STK33: variants seen among roughly 807,000 people sequenced by gnomAD.
The protein encoded by STK33 is serine/threonine kinase 33.
Under a neutral mutation model 58.0 loss-of-function variants are expected in STK33, and 52 were observed. That is an observed-to-expected ratio of 0.90 (90% CI 0.72 to 1.13). The LOEUF (loss-of-function observed/expected upper bound fraction) is 1.13, where lower values mean the gene tolerates loss of function less well. Ranked by LOEUF, STK33 falls within the 50% of genes most tolerant of loss-of-function variation. The pLI is 0.00. For synonymous variants in STK33, 215 were observed against 200.1 expected (o/e 1.07, Z -0.63); for missense variants, 630 against 604.2 (o/e 1.04, Z -0.45).
At chr11:8,424,869 T>C (rs1053421998) in intron 14 of STK33, among the ~76,000 whole-genome samples, 3 of 140,712 alleles carry the variant, frequency 2.1e-5, no homozygotes, top group Non-Finnish European at 3.0e-5. Context: ...GAGTTCATTA[T>C]AGATTCTGGA....
At chr11:8,416,504 T>C (rs557331136) in intron 14 of STK33, among the ~76,000 whole-genome samples, 1 of 152,276 alleles carries the variant, frequency 6.6e-6, no homozygotes, top group South Asian at 2.1e-4. Flanking sequence ...CATGAAACAA[T>C]CATAACTTTT....
intron 14 of STK33, among the ~76,000 whole-genome samples, chr11:8,415,268 C>T (rs1940951588): frequency 6.6e-6 from 1 of 152,118 alleles, no homozygotes; most frequent in African/African-American, 2.4e-5. Context: ...GACAAGCCCT[C>T]TCCAGGTTAA....
chr11:8,528,434 CT>C (rs1954239477), intron 1 of STK33, among the ~76,000 whole-genome samples: 1 of 152,188 alleles, frequency 6.6e-6, no homozygotes, highest in Non-Finnish European at 1.5e-5. Flanking sequence ...TCCCTAACTT[CT>C]TGTTTTCCCA....
chr11:8,392,660 A>G lies in STK33; in HGVS notation c.1395T>C (p.Asp465=), dbSNP rs2134874720. Residue 465 remains aspartate (D), a synonymous_variant, in exon 16 of 16, where the codon GAT becomes GAC. Coordinates refer to ENST00000687296, the MANE Select transcript of STK33 (RefSeq NM_001352389.2). ...TAGATGTGAAACTTGAACTGCACAT[A>G]TCAAAGTTGTCCTTACTGGTTGCAG... ...QFPATSKDNF[D]MCSSSFTSSK... is the part of the protein sequence containing the mutation. 3 of 1,614,254 alleles carry G rather than the reference A, an allele frequency of 1.9e-6. No individual in the cohort carries two copies. Among genetic ancestry groups the G allele is most frequent in the Non-Finnish European group, 2.5e-6 (3 of 1,180,054 alleles).
At chr11:8,358,603 G>A in the STK33 span, among the ~76,000 whole-genome samples, 5 of 152,134 alleles carry the variant, frequency 3.3e-5, no homozygotes, top group South Asian at 6.2e-4. Flanking sequence ...TCTTCCACCC[G>A]AGGAATGGCC....
At chr11:8,470,208 G>A (rs1317580943) in intron 6 of STK33, among the ~76,000 whole-genome samples, 1 of 152,228 alleles carries the variant, frequency 6.6e-6, no homozygotes, top group Non-Finnish European at 1.5e-5. Context: ...GTCTTAGGTA[G>A]ATCTTCTGGA....
chr11:8,339,938 C>A, the STK33 span, among the ~76,000 whole-genome samples: 1 of 152,256 alleles, frequency 6.6e-6, no homozygotes, highest in Non-Finnish European at 1.5e-5. Flanking sequence ...ACCCGCCTAC[C>A]TTCTCCCTGC....
intron 14 of STK33, among the ~76,000 whole-genome samples, chr11:8,419,859 A>AG (rs1941663142): frequency 6.6e-6 from 1 of 152,214 alleles, no homozygotes; most frequent in East Asian, 1.9e-4. Flanking sequence ...AGACTTAATG[A>AG]TGGTTATCTT....
At chr11:8,396,971 G>A (rs929836443) in intron 15 of STK33, among the ~76,000 whole-genome samples, 19 of 152,332 alleles carry the variant, frequency 1.2e-4, no homozygotes, top group African/African-American at 3.4e-4. Flanking sequence ...CAGGAAGCTC[G>A]AACTGGGTGG....
intron 1 of STK33, among the ~76,000 whole-genome samples, chr11:8,493,384 A>G (rs1950793061): frequency 6.6e-6 from 1 of 152,212 alleles, no homozygotes; most frequent in Admixed American, 6.5e-5. Flanking sequence ...ACACCCTCCC[A>G]AGACTAAACA....
intron 1 of STK33, among the ~76,000 whole-genome samples, chr11:8,546,415 C>G (rs1591727477): frequency 6.6e-6 from 1 of 152,170 alleles, no homozygotes; most frequent in South Asian, 2.1e-4. Flanking sequence ...TCCATTACCT[C>G]AAACATTTAT....
the STK33 span, among the ~76,000 whole-genome samples, chr11:8,343,595 C>T: frequency 6.6e-6 from 1 of 152,318 alleles, no homozygotes. Flanking sequence ...GCAAGGCACT[C>T]TCACCATGGC....
intron 1 of STK33, among the ~76,000 whole-genome samples, chr11:8,586,822 TAAAAAAA>T (rs56064924): frequency 1.3e-5 from 1 of 78,220 alleles, no homozygotes; most frequent in Non-Finnish European, 2.4e-5. Context: ...AGACTCTGTC[TAAAAAAA>T]AAAAAAAAAA....
the STK33 span, among the ~76,000 whole-genome samples, chr11:8,363,214 G>C: frequency 1.3e-5 from 2 of 152,150 alleles, no homozygotes; most frequent in Non-Finnish European, 2.9e-5. Flanking sequence ...GAGTGAAGAA[G>C]GGGAAAAAGG....
intron 1 of STK33, among the ~76,000 whole-genome samples, chr11:8,534,564 C>CTGTG (rs1308409632): frequency 2.2e-3 from 265 of 118,444 alleles, no homozygotes; most frequent in East Asian, 7.4e-3. Flanking sequence ...CTCTCTCTCT[C>CTGTG]TCTCTGTGTG....
Position 8,537,401 on chromosome 11 carries a change from T to A in STK33, c.-466+56682A>T, listed in dbSNP as rs188366394. On this transcript the variant is annotated intron_variant, in intron 1 of 15. Transcript: ENST00000687296. ...CACCATGCCTGGCCCCCGCCTTTTT[T>A]AAATTTTGTTTCAAGTGTGTTCATA... Among the ~76,000 whole-genome samples the A allele has an allele frequency of 2.0e-3, 304 of 152,244 alleles. 1 individual carries two copies. The highest frequency in any genetic ancestry group is 3.4e-3 in the Non-Finnish European group (230 of 68,000).
intron 14 of STK33, among the ~76,000 whole-genome samples, chr11:8,425,311 C>T (rs1327705857): frequency 6.6e-6 from 1 of 152,088 alleles, no homozygotes; most frequent in Non-Finnish European, 1.5e-5. Context: ...TGTGGCATTA[C>T]TTCTGAGGGC....
the STK33 span, among the ~76,000 whole-genome samples, chr11:8,377,807 T>G: frequency 6.6e-6 from 1 of 152,228 alleles, no homozygotes; most frequent in Admixed American, 6.5e-5. Context: ...GTAGCACTGC[T>G]TTATACCACC....
At chr11:8,479,169 C>T (rs982533736) in intron 2 of STK33, among the ~76,000 whole-genome samples, 8 of 152,270 alleles carry the variant, frequency 5.3e-5, no homozygotes, top group African/African-American at 1.7e-4. Flanking sequence ...AATCCCAGCA[C>T]TTTGGCAGGC....
Sources: allele counts gnomAD v4.1 joint callset (sites outside exome capture counted in the v4.1 genomes callset), GRCh38; gene constraint gnomAD v4.1.1; transcripts MANE v1.5; gene names NCBI Gene and HGNC (gene_info 2026-07-23, HGNC 2026-07-21).